NRXN1: variants seen among roughly 807,000 people sequenced by gnomAD.
The protein encoded by NRXN1 is neurexin-1.
In NRXN1, 39 loss-of-function variants were observed where a neutral mutation model predicts 150.9. The ratio of observed to expected loss-of-function variants is 0.26; its 90% confidence interval spans 0.20 to 0.34. NRXN1 has a LOEUF of 0.34. Among genes scored for constraint, NRXN1 ranks in the 10% least tolerant of loss-of-function variants. The pLI, the probability that NRXN1 is intolerant of heterozygous loss-of-function variation, is 1.00. For synonymous variants in NRXN1, 924 were observed against 757.0 expected, an observed-to-expected ratio of 1.22 and a Z score of -3.62; for missense variants, 1,815 against 1,949.9, an observed-to-expected ratio of 0.93 and a Z score of 1.30.
intron 2 of NRXN1, among the ~76,000 whole-genome samples, chr2:50,954,369 C>T (rs1334337731): frequency 6.6e-6 from 1 of 152,160 alleles, no homozygotes; most frequent in Non-Finnish European, 1.5e-5. Flanking sequence ...AAGCTCTCTA[C>T]ATATTGCTGT....
intron 5 of NRXN1, among the ~76,000 whole-genome samples, chr2:50,801,444 G>GA (rs925775019): frequency 6.6e-6 from 1 of 152,042 alleles, no homozygotes; most frequent in African/African-American, 2.4e-5. Flanking sequence ...ATCTCTTAGA[G>GA]AAAAAAATAT....
intron 17 of NRXN1, among the ~76,000 whole-genome samples, chr2:50,271,353 A>C (rs1187518818): frequency 5.9e-5 from 9 of 152,226 alleles, no homozygotes; most frequent in Admixed American, 5.9e-4. Flanking sequence ...GATTTAGTAG[A>C]GGAAAAACCA....
intron 17 of NRXN1, among the ~76,000 whole-genome samples, chr2:50,402,000 T>G (rs562551183): frequency 6.6e-6 from 1 of 152,204 alleles, no homozygotes; most frequent in East Asian, 1.9e-4. Context: ...GAACTGAAGG[T>G]TTGATACAAG....
rs1259616789 is a variant in NRXN1, at chr2:50,698,869, T to C, written c.833-75254A>G. The stretch of plus-strand genomic sequence containing the variant: ...TGTTTCTCTCTTTCTCATTTCTCCA[T>C]GTTTGAAGTACACTTTAAAGCTGTC... On this transcript the variant is annotated intron_variant, in intron 5 of 22. Coordinates refer to ENST00000401669, the MANE Select transcript of NRXN1 (RefSeq NM_001330078.2). Among the ~76,000 whole-genome samples the C allele has an allele frequency of 2.6e-5, 4 of 152,212 alleles. No individual in the cohort carries two copies. In the East Asian group the frequency reaches 5.8e-4, roughly 22 times the overall value.
chr2:50,190,660 T>C (rs991794364), intron 18 of NRXN1, among the ~76,000 whole-genome samples: 2 of 149,962 alleles, frequency 1.3e-5, no homozygotes, highest in Non-Finnish European at 3.0e-5. Flanking sequence ...TTGCCTAGGC[T>C]GGAGTGCAAT....
intron 18 of NRXN1, chr2:50,185,422 G>A (rs188882956): frequency 1.3e-5 from 2 of 152,096 alleles, no homozygotes; most frequent in Non-Finnish European, 2.9e-5. Context: ...ATATGATGTA[G>A]TCAAGAAGTT....
intron 5 of NRXN1, among the ~76,000 whole-genome samples, chr2:50,780,990 G>A (rs1409459808): frequency 6.6e-6 from 1 of 152,140 alleles, no homozygotes; most frequent in East Asian, 1.9e-4. Context: ...TACTTAAAAG[G>A]TAACAAGTTA....
chr2:50,963,533 T>C (rs1182168735), intron 2 of NRXN1, among the ~76,000 whole-genome samples: 2 of 151,758 alleles, frequency 1.3e-5, no homozygotes, highest in Non-Finnish European at 3.0e-5. Context: ...TTGACAAATT[T>C]ATTTTGCAAG....
At chr2:50,444,715 T>C (rs530804744) in intron 17 of NRXN1, among the ~76,000 whole-genome samples, 1 of 152,036 alleles carries the variant, frequency 6.6e-6, no homozygotes, top group Non-Finnish European at 1.5e-5. Context: ...TAAAAAGTTG[T>C]TCATGATGAA....
chr2:50,650,402 C>G (rs1685441797), intron 5 of NRXN1, among the ~76,000 whole-genome samples: 1 of 152,036 alleles, frequency 6.6e-6, no homozygotes, highest in Middle Eastern at 3.2e-3. Flanking sequence ...CGGTTTTATG[C>G]TCTCTTCCCC....
intron 17 of NRXN1, among the ~76,000 whole-genome samples, chr2:50,400,459 A>G (rs2139629): frequency 0.26 from 40,158 of 152,044 alleles, 6,131 homozygotes; most frequent in African/African-American, 0.4. Context: ...GAACATGATT[A>G]AAATACTTAG....
intron 5 of NRXN1, among the ~76,000 whole-genome samples, chr2:50,765,475 C>T (rs1702277096): frequency 6.6e-6 from 1 of 152,020 alleles, no homozygotes; most frequent in Admixed American, 6.6e-5. Context: ...CCTCTTTCTG[C>T]CCAGGTAAAG....
chr2:50,197,730 T>C (rs1370200143), intron 18 of NRXN1, among the ~76,000 whole-genome samples: 1 of 152,152 alleles, frequency 6.6e-6, no homozygotes, highest in Non-Finnish European at 1.5e-5. Flanking sequence ...ATTTAGCTAT[T>C]TCTTTATTCC....
At position 49,948,307 on chromosome 2, in the gene NRXN1, G is replaced by T. The variant is rs192958342; in HGVS notation, c.4129-4516C>A. ...ACCAGAACGTGTGAGAATGTTCTCA[G>T]TGTTACCTTCTGCAAAACACAATTC... On this transcript the variant is annotated intron_variant, in intron 21 of 22. Transcript: ENST00000401669. Among the ~76,000 whole-genome samples, 154 of 152,102 alleles carry T rather than the reference G, an allele frequency of 1.0e-3. 2 individuals are homozygous for T. Among genetic ancestry groups the T allele is most frequent in the Non-Finnish European group, 2.0e-3 (135 of 67,958 alleles).
intron 5 of NRXN1, among the ~76,000 whole-genome samples, chr2:50,675,719 C>T (rs947369255): frequency 3.9e-5 from 6 of 152,020 alleles, no homozygotes; most frequent in Admixed American, 1.3e-4. Flanking sequence ...GTATTTTAAG[C>T]TGTTAAACAG....
intron 18 of NRXN1, among the ~76,000 whole-genome samples, chr2:50,092,514 G>A (rs1048125705): frequency 1.7e-4 from 26 of 152,246 alleles, no homozygotes; most frequent in African/African-American, 3.4e-4. Context: ...GAAATCACAC[G>A]GAGGAAGAAG....
At chr2:50,536,808 A>G (rs1331216801) in intron 10 of NRXN1, among the ~76,000 whole-genome samples, 1 of 152,220 alleles carries the variant, frequency 6.6e-6, no homozygotes, top group Admixed American at 6.5e-5. Context: ...AGCAAAATGC[A>G]AAGAGGAAAC....
At chr2:50,752,944 T>C (rs183937940) in intron 5 of NRXN1, among the ~76,000 whole-genome samples, 1 of 151,976 alleles carries the variant, frequency 6.6e-6, no homozygotes, top group African/African-American at 2.4e-5. Flanking sequence ...GATAATTAGA[T>C]GCATTTAATT....
chr2:50,113,925 A>G (rs1372465802), intron 18 of NRXN1, among the ~76,000 whole-genome samples: 1 of 152,150 alleles, frequency 6.6e-6, no homozygotes, highest in Non-Finnish European at 1.5e-5. Flanking sequence ...ACAGGAGACT[A>G]TGTGGGATGC....
Sources: gnomAD v4.1 joint callset for allele counts (sites outside exome capture counted in the v4.1 genomes callset) on GRCh38, gnomAD v4.1.1 for gene constraint, MANE v1.5 for transcripts, NCBI Gene and HGNC (gene_info 2026-07-23, HGNC 2026-07-21) for gene names.